Variants in DCLK1 observed in about 807,000 individuals in gnomAD.
DCLK1 encodes the protein doublecortin like kinase 1.
A neutral mutation model predicts 86.2 loss-of-function variants in DCLK1; 16 were observed. That is an observed-to-expected ratio of 0.19 (90% CI 0.13 to 0.28). The LOEUF (loss-of-function observed/expected upper bound fraction) is 0.28. Ranked by LOEUF, DCLK1 falls within the 10% of genes least tolerant of loss-of-function variation. The probability of loss-of-function intolerance (pLI) is 1.00; values close to 1 mark genes in which losing one functional copy is unlikely to be tolerated. For missense variants in DCLK1, 590 were observed against 940.2 expected (o/e 0.63, Z 4.87); for synonymous variants, 369 against 370.5 (o/e 1.00, Z 0.05).
intron 4 of DCLK1, among the ~76,000 whole-genome samples, chr13:35,878,468 A>G (rs1872707435): frequency 6.6e-6 from 1 of 152,150 alleles, no homozygotes; most frequent in South Asian, 2.1e-4. Flanking sequence ...CTGGAATAAA[A>G]GCAATCAAGA....
At chr13:35,858,713 T>G (rs1871222466) in intron 5 of DCLK1, among the ~76,000 whole-genome samples, 1 of 152,236 alleles carries the variant, frequency 6.6e-6, no homozygotes, top group Non-Finnish European at 1.5e-5. Context: ...CAATTACTTT[T>G]GCACCAACCT....
chr13:36,107,607 T>C (rs553002110), intron 3 of DCLK1, among the ~76,000 whole-genome samples: 5 of 152,284 alleles, frequency 3.3e-5, no homozygotes, highest in South Asian at 4.1e-4. Flanking sequence ...CAGTTTGTCA[T>C]TGCTGTATTT....
Position 35,810,765 on chromosome 13 carries a change from A to G in DCLK1, c.1688+70T>C. Reference sequence around the variant, plus strand: ...TGTCTGGATAGGGCACAGCAGTACTATTTTTCCTATTCTCGAAGCGGGCTA... The same window carrying G: ...TGTCTGGATAGGGCACAGCAGTACTGTTTTTCCTATTCTCGAAGCGGGCTA... On this transcript the variant is annotated intron_variant, in intron 12 of 16. Transcript: ENST00000360631. The G allele has an allele frequency of 2.5e-6, 4 of 1,576,174 alleles. No individual in the cohort carries two copies. The South Asian group carries it at 3.4e-5, about 14-fold the overall frequency.
At chr13:36,046,560 T>G (rs1882922092) in intron 3 of DCLK1, among the ~76,000 whole-genome samples, 1 of 152,168 alleles carries the variant, frequency 6.6e-6, no homozygotes, top group Admixed American at 6.5e-5. Flanking sequence ...ACAGGAGGAA[T>G]AGGTAATAGC....
chr13:35,898,149 A>C (rs1874112970), intron 4 of DCLK1, among the ~76,000 whole-genome samples: 2 of 152,188 alleles, frequency 1.3e-5, no homozygotes, highest in Admixed American at 1.3e-4. Context: ...CTTTAAACAC[A>C]CACTTAAAGC....
At chr13:35,891,238 A>G (rs1873627308) in intron 4 of DCLK1, among the ~76,000 whole-genome samples, 1 of 152,190 alleles carries the variant, frequency 6.6e-6, no homozygotes, top group African/African-American at 2.4e-5. Flanking sequence ...AAGGAATGGC[A>G]TAAATGTTGA....
At chr13:35,888,754 C>T (rs1873453315) in intron 4 of DCLK1, among the ~76,000 whole-genome samples, 1 of 152,198 alleles carries the variant, frequency 6.6e-6, no homozygotes, top group Non-Finnish European at 1.5e-5. Context: ...TCAGTCATTA[C>T]TGCAATCCAC....
At chr13:35,872,882 C>T (rs1036457293) in intron 4 of DCLK1, among the ~76,000 whole-genome samples, 20 of 151,984 alleles carry the variant, frequency 1.3e-4, no homozygotes, top group East Asian at 3.9e-4. Flanking sequence ...GGCAAGATAG[C>T]GACATATTTT....
intron 2 of DCLK1, among the ~76,000 whole-genome samples, chr13:36,114,724 T>A (rs1269176806): frequency 6.6e-6 from 1 of 152,248 alleles, no homozygotes; most frequent in Non-Finnish European, 1.5e-5. Context: ...CCCGCCTTAA[T>A]GCAGTTAAAT....
rs761236665 is a variant in DCLK1, at chr13:35,822,801, G to A, written c.1482C>T (p.Asn494=). 2 of 1,613,818 alleles carry A rather than the reference G, an allele frequency of 1.2e-6. No homozygotes were observed. Among genetic ancestry groups the A allele is most frequent in the East Asian group, 2.2e-5 (1 of 44,834 alleles). Residue 494 remains asparagine (N), a synonymous_variant, in exon 11 of 17, where the codon AAC becomes AAT. Coordinates refer to ENST00000360631, the MANE Select transcript of DCLK1 (RefSeq NM_001330071.2). ...TERDASGMLY[N]LASAIKYLHS... ...GCAGGTATTTGATGGCGCTGGCTAG[G>A]TTGTACAGCATCCCACTGGCGTCTC...
chr13:35,851,216 T>C (rs555960165), intron 6 of DCLK1, among the ~76,000 whole-genome samples: 11 of 152,326 alleles, frequency 7.2e-5, no homozygotes, highest in African/African-American at 2.6e-4. Context: ...AACTCAAATG[T>C]TGTAGTTGCA....
chr13:36,073,082 T>C (rs1884038038), intron 3 of DCLK1, among the ~76,000 whole-genome samples: 1 of 152,204 alleles, frequency 6.6e-6, no homozygotes, highest in African/African-American at 2.4e-5. Context: ...TTAAAACAGC[T>C]CTACTGAGGT....
chr13:35,845,198 A>C (rs1870088422), intron 6 of DCLK1, among the ~76,000 whole-genome samples: 1 of 152,240 alleles, frequency 6.6e-6, no homozygotes, highest in South Asian at 2.1e-4. Context: ...CAGTGAGCCA[A>C]GATCGCACCA....
chr13:35,815,926 G>C (rs536573299), intron 11 of DCLK1, among the ~76,000 whole-genome samples: 1 of 152,252 alleles, frequency 6.6e-6, no homozygotes, highest in East Asian at 1.9e-4. Context: ...CAGAAGAGAG[G>C]TAATTAAACG....
chr13:35,789,431 T>C (rs1320112216), intron 16 of DCLK1, among the ~76,000 whole-genome samples: 1 of 152,170 alleles, frequency 6.6e-6, no homozygotes, highest in Non-Finnish European at 1.5e-5. Context: ...GAGAAAAAAA[T>C]CAAAGTATAC....
At chr13:35,949,607 T>C (rs1223724644) in intron 3 of DCLK1, among the ~76,000 whole-genome samples, 1 of 152,154 alleles carries the variant, frequency 6.6e-6, no homozygotes, top group South Asian at 2.1e-4. Flanking sequence ...ACATTCCCAC[T>C]CCCACCATTT....
intron 4 of DCLK1, among the ~76,000 whole-genome samples, chr13:35,936,962 C>CTTT (rs140269668): frequency 2.7e-4 from 18 of 65,712 alleles, no homozygotes; most frequent in African/African-American, 4.2e-4. Flanking sequence ...GAAAAGTTAG[C>CTTT]TTTTTTTTTT....
At chr13:35,784,311 T>A (rs559030551) in intron 16 of DCLK1, among the ~76,000 whole-genome samples, 1 of 152,316 alleles carries the variant, frequency 6.6e-6, no homozygotes, top group East Asian at 1.9e-4. Flanking sequence ...TTTTTAGTAA[T>A]AAGTAAGCTA....
At chr13:35,784,884 G>T (rs896681203) in intron 16 of DCLK1, among the ~76,000 whole-genome samples, 2 of 152,126 alleles carry the variant, frequency 1.3e-5, no homozygotes, top group African/African-American at 4.8e-5. Flanking sequence ...CCACACGGAG[G>T]TTCCTCCCTG....
Sources: allele counts gnomAD v4.1 joint callset (sites outside exome capture counted in the v4.1 genomes callset), GRCh38; gene constraint gnomAD v4.1.1; transcripts MANE v1.5; gene names NCBI Gene and HGNC (gene_info 2026-07-23, HGNC 2026-07-21).